Variants in NALF1 observed in about 807,000 individuals in gnomAD.
NALF1 encodes the protein NALCN channel auxiliary factor 1.
A neutral mutation model predicts 48.4 loss-of-function variants in NALF1; 3 were observed. That is an observed-to-expected ratio of 0.06 (90% CI 0.03 to 0.16). The LOEUF (loss-of-function observed/expected upper bound fraction) is 0.16, where lower values mean the gene tolerates loss of function less well. Ranked by LOEUF, NALF1 falls within the 10% of genes least tolerant of loss-of-function variation. NALF1 has a pLI of 1.00. For synonymous variants in NALF1, 262 were observed against 245.7 expected, an observed-to-expected ratio of 1.07 and a Z score of -0.62; for missense variants, 526 against 571.5, an observed-to-expected ratio of 0.92 and a Z score of 0.81.
At chr13:107,197,231 T>C (rs984596356) in intron 2 of NALF1, among the ~76,000 whole-genome samples, 1 of 152,210 alleles carries the variant, frequency 6.6e-6, no homozygotes, top group Non-Finnish European at 1.5e-5. Context: ...TAAATATCTT[T>C]TCTTTATACA....
At position 107,866,294 on chromosome 13, in the gene NALF1, G is replaced by A. The variant is rs1302642551; in HGVS notation, c.303C>T (p.Pro101=). 1.4e-5 allele frequency: 23 copies of A among 1,604,802 alleles called. No individual in the cohort carries two copies. The highest frequency in any genetic ancestry group is 2.0e-5 in the Non-Finnish European group (23 of 1,177,786). The change falls in exon 1 of 3, where the codon CCC becomes CCT. Residue 101 remains proline, a synonymous_variant. Transcript: ENST00000375915. The surrounding 1 kb of genome is among the most constrained non-coding windows in gnomAD (Gnocchi z 4.4). ...TGCTCGCCAGGAGCGCGGGCCAGGAGGGCTCCTGCTGCCGCCGCTGCTGCT... is the reference window on the plus strand; with the variant it reads ...TGCTCGCCAGGAGCGCGGGCCAGGAAGGCTCCTGCTGCCGCCGCTGCTGCT... ...QQQQQRRQQE[P]SWPALLASMG...
At chr13:107,782,186 T>C (rs1225661365) in intron 1 of NALF1, among the ~76,000 whole-genome samples, 4 of 152,208 alleles carry the variant, frequency 2.6e-5, no homozygotes, top group African/African-American at 9.6e-5. Context: ...GCCGAGTGCC[T>C]GCGATTGCAG....
intron 1 of NALF1, among the ~76,000 whole-genome samples, chr13:107,783,097 C>T (rs1298138030): frequency 8.9e-4 from 125 of 140,896 alleles, no homozygotes; most frequent in South Asian, 1.8e-3. Context: ...CCAGCCGCCT[C>T]GTCCGGGAGG....
At chr13:107,469,983 T>C (rs1253364470) in intron 1 of NALF1, among the ~76,000 whole-genome samples, 3 of 152,040 alleles carry the variant, frequency 2.0e-5, no homozygotes, top group Non-Finnish European at 4.4e-5. Flanking sequence ...GACCTCATGA[T>C]CTGCCCGACT....
intron 1 of NALF1, among the ~76,000 whole-genome samples, chr13:107,312,644 T>C (rs1882070095): frequency 6.6e-6 from 1 of 152,048 alleles, no homozygotes; most frequent in Non-Finnish European, 1.5e-5. Context: ...AGCAATAACG[T>C]CAAAGAAAAT....
chr13:107,813,753 A>C (rs1159757529), intron 1 of NALF1, among the ~76,000 whole-genome samples: 1 of 152,180 alleles, frequency 6.6e-6, no homozygotes, highest in Non-Finnish European at 1.5e-5. Flanking sequence ...GTATTAAATC[A>C]GTATAAATCC....
At chr13:107,818,420 T>C (rs1879240089) in intron 1 of NALF1, among the ~76,000 whole-genome samples, 1 of 151,922 alleles carries the variant, frequency 6.6e-6, no homozygotes, top group African/African-American at 2.4e-5. Context: ...GGAAGTAGGG[T>C]CTGCACATAG....
intron 2 of NALF1, among the ~76,000 whole-genome samples, chr13:107,205,204 GT>G (rs1169552094): frequency 7.0e-5 from 10 of 143,392 alleles, no homozygotes; most frequent in Non-Finnish European, 1.5e-5. Flanking sequence ...TCCCCTTCCT[GT>G]GTCCATGTGA....
At chr13:107,312,122 C>T (rs1206137829) in intron 1 of NALF1, among the ~76,000 whole-genome samples, 7 of 152,266 alleles carry the variant, frequency 4.6e-5, no homozygotes, top group Admixed American at 1.3e-4. Flanking sequence ...CACATGCACA[C>T]GTATGTTTAT....
chr13:107,632,908 T>TG (rs1255515203), intron 1 of NALF1, among the ~76,000 whole-genome samples: 1 of 65,222 alleles, frequency 1.5e-5, no homozygotes, highest in Admixed American at 2.3e-4. Flanking sequence ...ACAAGCCTCA[T>TG]GAAAAAAAAA....
chr13:107,762,573 C>T (rs1037488004), intron 1 of NALF1, among the ~76,000 whole-genome samples: 1 of 151,906 alleles, frequency 6.6e-6, no homozygotes, highest in African/African-American at 2.4e-5. Flanking sequence ...GGAGGTAAGG[C>T]GGAAGGCAGG....
chr13:107,192,657 TG>T (rs1380656687), intron 2 of NALF1, among the ~76,000 whole-genome samples: 2 of 77,696 alleles, frequency 2.6e-5, no homozygotes, highest in Middle Eastern at 9.3e-3. Flanking sequence ...TATCTATTAC[TG>T]AAGTTATGCA....
chr13:107,335,932 T>C (rs550610352), intron 1 of NALF1, among the ~76,000 whole-genome samples: 1 of 152,372 alleles, frequency 6.6e-6, no homozygotes, highest in Admixed American at 6.5e-5. Context: ...TATTAATTTT[T>C]TTTTTCAGTT....
At chr13:107,834,947 T>C (rs1325322429) in intron 1 of NALF1, among the ~76,000 whole-genome samples, 1 of 152,146 alleles carries the variant, frequency 6.6e-6, no homozygotes, top group Non-Finnish European at 1.5e-5. Context: ...GAAAGCTCAC[T>C]CACGGGAGAC....
intron 1 of NALF1, among the ~76,000 whole-genome samples, chr13:107,262,937 A>G (rs1880962561): frequency 6.6e-6 from 1 of 152,180 alleles, no homozygotes; most frequent in African/African-American, 2.4e-5. Context: ...TGGTTAACAA[A>G]GAGAATCACA....
In NALF1 at chr13:107,219,266, G is replaced by A. The variant is rs1377666166; in HGVS notation, c.916-8511C>T. ...ACAAGCAATGCCTTAGAAGTGCAGAGTATTACATGTCCTCTAAACATACCA... is the reference window on the plus strand; with the variant it reads ...ACAAGCAATGCCTTAGAAGTGCAGAATATTACATGTCCTCTAAACATACCA... On this transcript the variant is annotated intron_variant, in intron 1 of 2. Coordinates refer to ENST00000375915, the MANE Select transcript of NALF1 (RefSeq NM_001080396.3). 2.0e-5 allele frequency among the ~76,000 whole-genome samples: 3 copies of A among 152,144 alleles called. No homozygotes were observed. The East Asian group carries it at 5.8e-4, about 29-fold the overall frequency.
chr13:107,559,381 A>G (rs1198831573), intron 1 of NALF1, among the ~76,000 whole-genome samples: 1 of 152,254 alleles, frequency 6.6e-6, no homozygotes, highest in Non-Finnish European at 1.5e-5. Flanking sequence ...TAAAAAGAGT[A>G]GACTACAATG....
chr13:107,851,805 C>CTTTTTTTTTTTTTTTTT (rs34999908), intron 1 of NALF1, among the ~76,000 whole-genome samples: 1 of 104,696 alleles, frequency 9.6e-6, no homozygotes, highest in Admixed American at 1.2e-4. Flanking sequence ...CAGGCCCTTT[C>CTTTTTTTTTTTTTTTTT]TTTTTTTTTT....
intron 1 of NALF1, among the ~76,000 whole-genome samples, chr13:107,416,866 C>T (rs1884098163): frequency 6.6e-6 from 1 of 152,172 alleles, no homozygotes; most frequent in South Asian, 2.1e-4. Context: ...GCTTGCATTG[C>T]CCTATTTCAA....
Sources: gnomAD v4.1 joint callset for allele counts (sites outside exome capture counted in the v4.1 genomes callset) on GRCh38, gnomAD v4.1.1 for gene constraint, Gnocchi (gnomAD v3.1) non-coding constraint, MANE v1.5 for transcripts, NCBI Gene and HGNC (gene_info 2026-07-23, HGNC 2026-07-21) for gene names.